CYP4Z1: variants seen among roughly 807,000 people sequenced by gnomAD.
CYP4Z1 encodes the protein cytochrome P450 4Z1.
In CYP4Z1, 41 loss-of-function variants were observed where a neutral mutation model predicts 54.2. The ratio of observed to expected loss-of-function variants is 0.76; its 90% CI spans 0.59 to 0.98. The LOEUF is 0.98. Among genes scored for constraint, CYP4Z1 ranks in the 50% least tolerant of loss-of-function variants. CYP4Z1 has a pLI of 0.00. For missense variants in CYP4Z1, 513 were observed against 599.0 expected, an observed-to-expected ratio of 0.86 and a Z score of 1.50; for synonymous variants, 163 against 206.2, an observed-to-expected ratio of 0.79 and a Z score of 1.79.
chr1:47,074,154 T>A (rs1346950448), intron 2 of CYP4Z1, among the ~76,000 whole-genome samples: 1 of 152,088 alleles, frequency 6.6e-6, no homozygotes, highest in Non-Finnish European at 1.5e-5. Context: ...TTTATTTATT[T>A]ATCTTTTATT....
At chr1:47,068,857 A>C (rs1318559818) in intron 2 of CYP4Z1, 94 bp downstream of exon 2, 12 of 1,475,902 alleles carry the variant, frequency 8.1e-6, no homozygotes, top group Non-Finnish European at 1.1e-5. Flanking sequence ...AAGCATTTTT[A>C]AGGGAAATCC....
intron 9 of CYP4Z1, among the ~76,000 whole-genome samples, chr1:47,111,075 C>T (rs1483707597): frequency 6.6e-6 from 1 of 152,076 alleles, no homozygotes; most frequent in Non-Finnish European, 1.5e-5. Flanking sequence ...AGCTAGCTGG[C>T]CATGTCAGGA....
At chr1:47,117,263 A>C (rs1644836870) in intron 11 of CYP4Z1, among the ~76,000 whole-genome samples, 1 of 152,174 alleles carries the variant, frequency 6.6e-6, no homozygotes, top group Non-Finnish European at 1.5e-5. Context: ...TCATGATATA[A>C]GGAAGGTTTT....
chr1:47,109,700 G>T (rs1203797244), intron 9 of CYP4Z1, among the ~76,000 whole-genome samples: 1 of 152,166 alleles, frequency 6.6e-6, no homozygotes, highest in Non-Finnish European at 1.5e-5. Context: ...GAATTACCTA[G>T]ATTTGTGGAA....
At chr1:47,061,897 C>T in the CYP4Z1 span, among the ~76,000 whole-genome samples, 3 of 152,026 alleles carry the variant, frequency 2.0e-5, no homozygotes, top group East Asian at 1.9e-4. Flanking sequence ...TCAATAAATG[C>T]GGATCATCAC....
At chr1:47,090,525 A>G (rs1209911614) in intron 6 of CYP4Z1, among the ~76,000 whole-genome samples, 1 of 152,272 alleles carries the variant, frequency 6.6e-6, no homozygotes, top group Non-Finnish European at 1.5e-5. Flanking sequence ...ACGAATAATT[A>G]AAATCTCCCT....
chr1:47,063,587 A>G (rs1390909478), upstream of CYP4Z1, among the ~76,000 whole-genome samples: 1 of 151,978 alleles, frequency 6.6e-6, no homozygotes, highest in Non-Finnish European at 1.5e-5. Context: ...ACTTACAGAA[A>G]TGCAAAATAC....
At position 47,117,931 on chromosome 1, in the gene CYP4Z1, C is replaced by G. The variant is rs752762340; in HGVS notation, c.1515C>G (p.Cys505Trp). Residue 505 changes from cysteine to tryptophan, a missense_variant, in exon 12 of 12, where the codon TGC (cysteine) becomes TGG (tryptophan). Coordinates refer to ENST00000334194, the MANE Select transcript of CYP4Z1 (RefSeq NM_178134.3). ...NGIHVFAKKVC is the reference protein window; with the variant it reads ...NGIHVFAKKVW ...TCCATGTGTTTGCAAAAAAAGTTTGCTAATTTTAAGTCCTTTCGTATAAGA... is the reference window on the plus strand; with the variant it reads ...TCCATGTGTTTGCAAAAAAAGTTTGGTAATTTTAAGTCCTTTCGTATAAGA... 4 of 1,612,722 alleles carry G rather than the reference C, an allele frequency of 2.5e-6. No individual in the cohort carries two copies. The highest frequency in any genetic ancestry group is 3.4e-6 in the Non-Finnish European group (4 of 1,179,434).
At chr1:47,100,431 A>G (rs191812299) in intron 8 of CYP4Z1, among the ~76,000 whole-genome samples, 10 of 152,342 alleles carry the variant, frequency 6.6e-5, no homozygotes, top group African/African-American at 2.4e-4. Context: ...AATTGATGCC[A>G]TTCTGAGTAG....
chr1:47,066,488 T>G (rs1357348285), upstream of CYP4Z1, among the ~76,000 whole-genome samples: 1 of 152,014 alleles, frequency 6.6e-6, no homozygotes, highest in Non-Finnish European at 1.5e-5. Context: ...ATTAAAACTC[T>G]CATCAACAAA....
At chr1:47,109,194 G>A (rs1006660748) in intron 9 of CYP4Z1, among the ~76,000 whole-genome samples, 1 of 152,204 alleles carries the variant, frequency 6.6e-6, no homozygotes, top group African/African-American at 2.4e-5. Flanking sequence ...AAGAATGGAA[G>A]GAAGGTATTT....
At chr1:47,079,166 T>C (rs529001743) in intron 2 of CYP4Z1, among the ~76,000 whole-genome samples, 1 of 152,304 alleles carries the variant, frequency 6.6e-6, no homozygotes, top group African/African-American at 2.4e-5. Flanking sequence ...ACCATTCTGC[T>C]TTCTCTAGGA....
rs531488748 is a variant in CYP4Z1, at chr1:47,088,917, C to T, written c.772+3939C>T. On this transcript the variant is annotated intron_variant, in intron 6 of 11. Transcript: ENST00000334194. ...GATTACAGGCGTGAGCCACTGTGCT[C>T]AGCCAAGGTTTATTTCTCATATGCA... 4.9e-3 allele frequency among the ~76,000 whole-genome samples: 724 copies of T among 147,484 alleles called. 4 individuals carry two copies. The highest frequency in any genetic ancestry group is 0.013 in the Admixed American group (188 of 14,872).
intron 2 of CYP4Z1, among the ~76,000 whole-genome samples, chr1:47,078,404 T>C (rs1197232350): frequency 2.6e-5 from 4 of 151,472 alleles, no homozygotes; most frequent in African/African-American, 9.7e-5. Context: ...TATGTCTTTG[T>C]TAATATTCTC....
chr1:47,112,488 A>T (rs1161641590), intron 9 of CYP4Z1, among the ~76,000 whole-genome samples: 1 of 147,434 alleles, frequency 6.8e-6, no homozygotes, highest in African/African-American at 2.5e-5. Context: ...AAACTTAGAA[A>T]GTTATTTAAG....
chr1:47,059,582 T>C, the CYP4Z1 span, among the ~76,000 whole-genome samples: 1 of 152,136 alleles, frequency 6.6e-6, no homozygotes, highest in Non-Finnish European at 1.5e-5. Context: ...CTCCTGGAAT[T>C]TGGCTACGTA....
chr1:47,096,085 T>TGAAATA (rs1644674630), intron 7 of CYP4Z1, among the ~76,000 whole-genome samples: 1 of 152,104 alleles, frequency 6.6e-6, no homozygotes, highest in Non-Finnish European at 1.5e-5. Flanking sequence ...GATTTGGAAG[T>TGAAATA]GAAATAGAAT....
chr1:47,101,489 T>C (rs1644721126), intron 8 of CYP4Z1, among the ~76,000 whole-genome samples: 1 of 152,196 alleles, frequency 6.6e-6, no homozygotes, highest in African/African-American at 2.4e-5. Flanking sequence ...ATTTCCTCTT[T>C]AATTTCTTTC....
chr1:47,102,854 T>A (rs1644730326), intron 8 of CYP4Z1, among the ~76,000 whole-genome samples: 1 of 152,144 alleles, frequency 6.6e-6, no homozygotes, highest in Non-Finnish European at 1.5e-5. Context: ...CTCCAGTATG[T>A]GGACGTGTAA....
Sources: allele counts gnomAD v4.1 joint callset (sites outside exome capture counted in the v4.1 genomes callset), GRCh38; gene constraint gnomAD v4.1.1; transcripts MANE v1.5; gene names NCBI Gene and HGNC (gene_info 2026-07-23, HGNC 2026-07-21).